DST: variants seen among roughly 807,000 people sequenced by gnomAD.
DST encodes dystonin.
DST carries 253 observed loss-of-function variants against 875.2 expected under a neutral mutation model. The observed-to-expected ratio is 0.29, with a 90% CI of 0.26 to 0.32. The LOEUF (loss-of-function observed/expected upper bound fraction) is 0.32, where lower values mean the gene tolerates loss of function less well. Among genes scored for constraint, DST ranks in the 10% least tolerant of loss-of-function variants. The pLI, the probability that DST is intolerant of heterozygous loss-of-function variation, is 1.00. For synonymous variants in DST, 3,124 were observed against 3,197.1 expected (o/e 0.98, Z 0.77); for missense variants, 8,287 against 9,111.6 (o/e 0.91, Z 3.68).
At chr6:56,842,700 C>T (rs1056189898) in intron 4 of DST, among the ~76,000 whole-genome samples, 6 of 152,028 alleles carry the variant, frequency 3.9e-5, no homozygotes, top group African/African-American at 1.5e-4. Context: ...AGCAGCAATG[C>T]CTTAGTAATC....
intron 23 of DST, among the ~76,000 whole-genome samples, chr6:56,636,247 T>TA (rs1563355043): frequency 6.7e-6 from 1 of 149,718 alleles, no homozygotes; most frequent in Non-Finnish European, 1.5e-5. Flanking sequence ...TATATATATA[T>TA]ATATATATAC....
chr6:56,534,995 T>C (rs2096968056), intron 63 of DST, 127 bp downstream of exon 63: 3 of 1,070,504 alleles, frequency 2.8e-6, no homozygotes, highest in Non-Finnish European at 4.1e-6. Flanking sequence ...ACTAACAAAA[T>C]AATGTCTACA....
At chr6:56,741,544 A>C (rs1449326398) in intron 4 of DST, among the ~76,000 whole-genome samples, 1 of 152,238 alleles carries the variant, frequency 6.6e-6, no homozygotes, top group Non-Finnish European at 1.5e-5. Context: ...AACTTTCTTC[A>C]AGAGAGCAAC....
At chr6:56,514,424 A>G (rs576529172) in intron 72 of DST, among the ~76,000 whole-genome samples, 1 of 152,290 alleles carries the variant, frequency 6.6e-6, no homozygotes, top group African/African-American at 2.4e-5. Context: ...ATACTTCAGT[A>G]TAGTCTTCAA....
At chr6:56,693,161 G>C (rs566357014) in intron 9 of DST, 9 of 1,275,134 alleles carry the variant, frequency 7.1e-6, no homozygotes, top group African/African-American at 1.5e-5. Flanking sequence ...TGATTTGTAG[G>C]AGATCACAGC....
At chr6:56,861,143 A>G (rs1770949093) in intron 3 of DST, among the ~76,000 whole-genome samples, 1 of 151,326 alleles carries the variant, frequency 6.6e-6, no homozygotes. Context: ...TAGCTTTTAC[A>G]CACTTACTCT....
At chr6:56,578,727 C>A in intron 50 of DST, 87 bp downstream of exon 50, 1 of 1,377,240 alleles carries the variant, frequency 7.3e-7, no homozygotes, top group South Asian at 1.3e-5. Flanking sequence ...CAATCTATAA[C>A]TAGTGAACAT....
intron 9 of DST, among the ~76,000 whole-genome samples, chr6:56,681,197 C>G (rs1375357178): frequency 1.3e-5 from 2 of 152,092 alleles, no homozygotes; most frequent in South Asian, 4.1e-4. Context: ...AATGGCCCCA[C>G]CATTTACCCA....
At chr6:56,807,632 G>A (rs995719316) in intron 4 of DST, among the ~76,000 whole-genome samples, 2 of 152,108 alleles carry the variant, frequency 1.3e-5, no homozygotes, top group African/African-American at 2.4e-5. Flanking sequence ...TTAATTCAAC[G>A]GAAGAAAGGA....
Position 56,470,146 on chromosome 6 carries a change from G to A in DST, c.22458C>T (p.Ala7486=), listed in dbSNP as rs554828969. ...NKDAYKPITD[A]DKIEDEVTRQ... is the part of the protein sequence containing the mutation. Reference sequence around the variant, plus strand: ...TGAGTACCTCATCTTCGATTTTGTCGGCATCTGTGATAGGTTTATATGCAT... The same window carrying A: ...TGAGTACCTCATCTTCGATTTTGTCAGCATCTGTGATAGGTTTATATGCAT... Residue 7486 remains alanine, a synonymous_variant, in exon 96 of 104, where the codon GCC becomes GCT. Coordinates refer to ENST00000680361, the MANE Select transcript of DST (RefSeq NM_001374736.1). The A allele has an allele frequency of 2.2e-4, 353 of 1,612,384 alleles. No homozygotes were observed. The highest frequency in any genetic ancestry group is 2.7e-4 in the Non-Finnish European group (316 of 1,179,024).
rs138507484 is a variant in DST, at chr6:56,654,586, C to CTATATATATATATATATA, written c.1215-3360_1215-3343dup. 4.6e-3 allele frequency among the ~76,000 whole-genome samples: 617 copies of CTATATATATATATATATA among 133,202 alleles called. 3 individuals are homozygous for CTATATATATATATATATA. Among genetic ancestry groups the CTATATATATATATATATA allele is most frequent in the Non-Finnish European group, 6.2e-3 (408 of 65,884 alleles). 87.4% of individuals were successfully genotyped at this position (133,202 alleles called of 152,430 possible). On this transcript the variant is annotated intron_variant, in intron 10 of 103. Transcript: ENST00000680361. ...TCTTAAAAGAGCAATCTCCCCTAGGCTATATATATATATATATATCTCCAC... is the reference window on the plus strand; with the variant it reads ...TCTTAAAAGAGCAATCTCCCCTAGGCTATATATATATATATATATATATATATATATATATATCTCCAC...
intron 67 of DST, 92 bp from the exon 68 acceptor site, chr6:56,527,826 C>T: frequency 2.3e-6 from 3 of 1,326,200 alleles, no homozygotes; most frequent in Non-Finnish European, 3.0e-6. Flanking sequence ...ATGAAATTTC[C>T]ACAGAACAAA....
intron 91 of DST, 81 bp downstream of exon 91, chr6:56,477,264 G>A (rs2095240261): frequency 6.9e-7 from 1 of 1,451,252 alleles, no homozygotes; most frequent in Non-Finnish European, 9.3e-7. Context: ...GGCCATAAGT[G>A]CATCTTAATT....
intron 4 of DST, among the ~76,000 whole-genome samples, chr6:56,847,454 G>A (rs2099808373): frequency 6.6e-6 from 1 of 152,148 alleles, no homozygotes; most frequent in Non-Finnish European, 1.5e-5. Flanking sequence ...TGGTTCCCTA[G>A]CACTTACAAC....
chr6:56,753,361 A>G (rs2099593558), intron 4 of DST, among the ~76,000 whole-genome samples: 1 of 152,236 alleles, frequency 6.6e-6, no homozygotes, highest in Non-Finnish European at 1.5e-5. Flanking sequence ...CTCAGTTTAG[A>G]GAGCACCAAC....
chr6:56,735,553 T>TCACCACCACCAC (rs1481488913), intron 4 of DST, among the ~76,000 whole-genome samples: 4 of 114,940 alleles, frequency 3.5e-5, no homozygotes, highest in African/African-American at 1.7e-4. Context: ...CCATAACCCC[T>TCACCACCACCAC]CATCACCACC....
chr6:56,560,354 A>G lies in DST; in HGVS notation c.14380T>C (p.Leu4794=), dbSNP rs954079201. ...QELKDKLTEL[L]EENPDTPEAP... ...TCAGGAGTATCTGGGTTCTCCTCCA[A>G]CAGCTCTGTCAATTTGTCTTTCAAC... The change falls in exon 58 of 104, where the codon TTG becomes CTG. Residue 4794 remains leucine (L), a synonymous_variant. Coordinates refer to ENST00000680361, the MANE Select transcript of DST (RefSeq NM_001374736.1). The G allele has an allele frequency of 6.2e-6, 10 of 1,609,812 alleles. No individual in the cohort carries two copies. The East Asian group carries it at 1.3e-4, about 22-fold the overall frequency.
chr6:56,717,626 T>C (rs190134182), intron 5 of DST, among the ~76,000 whole-genome samples: 3 of 152,294 alleles, frequency 2.0e-5, no homozygotes, highest in African/African-American at 4.8e-5. Flanking sequence ...ATATGGCCTT[T>C]TGAGATGTCT....
intron 55 of DST, 97 bp from the exon 56 acceptor site, chr6:56,562,297 C>CTGAGTGCTGAAA (rs79573569): frequency 4.1e-6 from 3 of 736,330 alleles, no homozygotes; most frequent in East Asian, 3.1e-5. Context: ...ACAGTAATCA[C>CTGAGTGCTGAAA]ACATAAAACA....
Sources: allele counts gnomAD v4.1 joint callset (sites outside exome capture counted in the v4.1 genomes callset), GRCh38; gene constraint gnomAD v4.1.1; transcripts MANE v1.5; gene names NCBI Gene and HGNC (gene_info 2026-07-23, HGNC 2026-07-21).